The following DNM3 variants were observed in gnomAD, a reference collection of about 807,000 sequenced individuals.
DNM3 encodes dynamin 3.
Under a neutral mutation model 101.6 loss-of-function variants are expected in DNM3, and 47 were observed. The observed-to-expected ratio is 0.46, with a 90% CI of 0.37 to 0.59. DNM3 has a LOEUF of 0.59. Among genes scored for constraint, DNM3 ranks in the 20% least tolerant of loss-of-function variants. DNM3 has a pLI of 0.00. For missense variants in DNM3, 849 were observed against 1,085.7 expected, an observed-to-expected ratio of 0.78 and a Z score of 3.06; for synonymous variants, 385 against 387.9, an observed-to-expected ratio of 0.99 and a Z score of 0.09.
intron 15 of DNM3, among the ~76,000 whole-genome samples, chr1:172,292,839 AGACCCTCC>A (rs2063986179): frequency 6.6e-6 from 1 of 152,226 alleles, no homozygotes; most frequent in South Asian, 2.1e-4. Context: ...CATACATTTA[AGACCCTCC>A]CAAAAAATGA....
At chr1:171,845,670 A>G (rs1417215892) in intron 1 of DNM3, among the ~76,000 whole-genome samples, 1 of 152,268 alleles carries the variant, frequency 6.6e-6, no homozygotes, top group Non-Finnish European at 1.5e-5. Context: ...GGCAGAAGCA[A>G]CATTTATTAA....
In DNM3 at chr1:172,408,083, A is replaced by G. The variant is rs1487106500; in HGVS notation, c.*242A>G. The G allele has an allele frequency of 1.5e-6, 2 of 1,338,412 alleles. No homozygotes were observed. The highest frequency in any genetic ancestry group is 1.9e-6 in the Non-Finnish European group (2 of 1,041,278). 82.9% of individuals were successfully genotyped at this position (1,338,412 alleles called of 1,614,324 possible). ...GTTGTACTGACCAAGGTAGGTTTGT[A>G]TAGCAGCCCTATACTTTGGGGATCA... On this transcript the variant is annotated 3_prime_UTR_variant, in exon 21 of 21. Transcript: ENST00000627582.
intron 14 of DNM3, among the ~76,000 whole-genome samples, chr1:172,146,894 A>G (rs1572718222): frequency 6.6e-6 from 1 of 152,146 alleles, no homozygotes; most frequent in East Asian, 1.9e-4. Context: ...GTACATCTAT[A>G]TGCCCTCAAA....
At chr1:172,091,235 G>A (rs551675442) in intron 12 of DNM3, among the ~76,000 whole-genome samples, 4 of 152,320 alleles carry the variant, frequency 2.6e-5, no homozygotes, top group African/African-American at 7.2e-5. Flanking sequence ...AGGCCCTGGG[G>A]ATATAGCAGT....
chr1:172,206,592 C>T (rs2060330527), intron 14 of DNM3, among the ~76,000 whole-genome samples: 1 of 152,016 alleles, frequency 6.6e-6, no homozygotes, highest in Admixed American at 6.6e-5. Context: ...AATTTGGTGC[C>T]ACTGCTGTCT....
intron 17 of DNM3, among the ~76,000 whole-genome samples, chr1:172,362,660 C>T (rs553886934): frequency 1.1e-4 from 16 of 151,790 alleles, no homozygotes; most frequent in Non-Finnish European, 1.9e-4. Flanking sequence ...TGATAAACAC[C>T]GTGCCATTCC....
intron 2 of DNM3, among the ~76,000 whole-genome samples, chr1:171,948,192 T>G (rs1379696249): frequency 6.6e-6 from 1 of 152,160 alleles, no homozygotes; most frequent in Non-Finnish European, 1.5e-5. Context: ...ATACAACATT[T>G]TAGAGAAGCA....
chr1:171,862,490 G>A (rs543035531), intron 1 of DNM3, among the ~76,000 whole-genome samples: 3 of 152,170 alleles, frequency 2.0e-5, no homozygotes, highest in Non-Finnish European at 4.4e-5. Context: ...AGAAGTCAAC[G>A]CAAAAGGCCA....
downstream of DNM3, among the ~76,000 whole-genome samples, chr1:172,416,972 G>A (rs1186926591): frequency 6.6e-6 from 1 of 152,124 alleles, no homozygotes; most frequent in Non-Finnish European, 1.5e-5. Flanking sequence ...ATTGATTTTG[G>A]ACTTTGGGGA....
intron 13 of DNM3, among the ~76,000 whole-genome samples, chr1:172,096,142 C>T (rs1397953865): frequency 4.6e-5 from 7 of 152,200 alleles, no homozygotes; most frequent in Admixed American, 4.6e-4. Flanking sequence ...AAGAGGCCAG[C>T]CTTGGTCACC....
downstream of DNM3, among the ~76,000 whole-genome samples, chr1:172,413,266 GC>G (rs766911161): frequency 1.3e-5 from 2 of 152,062 alleles, no homozygotes; most frequent in Admixed American, 6.5e-5. Context: ...TTTCGCTCTT[GC>G]CCAGGCTGAA....
At chr1:172,009,161 ATAT>A (rs950527603) in intron 4 of DNM3, among the ~76,000 whole-genome samples, 1 of 138,820 alleles carries the variant, frequency 7.2e-6, no homozygotes, top group Non-Finnish European at 1.5e-5. Context: ...ATGATATATA[ATAT>A]TATATAATGT....
At chr1:172,100,864 G>T (rs2054594484) in intron 13 of DNM3, among the ~76,000 whole-genome samples, 1 of 152,144 alleles carries the variant, frequency 6.6e-6, no homozygotes, top group African/African-American at 2.4e-5. Flanking sequence ...ACTGTCATCA[G>T]TCTCCAGGGA....
chr1:172,273,199 C>A (rs1342015573), intron 15 of DNM3, among the ~76,000 whole-genome samples: 1 of 151,862 alleles, frequency 6.6e-6, no homozygotes, highest in Non-Finnish European at 1.5e-5. Flanking sequence ...CATTAGATGC[C>A]TTCCTTCTAG....
At chr1:172,201,246 T>C (rs2060141616) in intron 14 of DNM3, among the ~76,000 whole-genome samples, 1 of 152,162 alleles carries the variant, frequency 6.6e-6, no homozygotes, top group Non-Finnish European at 1.5e-5. Context: ...CTATGTTTCC[T>C]CACAGTTACA....
At chr1:171,841,847 C>A (rs202136326) in intron 1 of DNM3, 30 bp downstream of exon 1, 142 of 1,591,498 alleles carry the variant, frequency 8.9e-5, no homozygotes, top group Middle Eastern at 6.8e-4. Context: ...AGTAAGGATG[C>A]GGCAGTGGGG....
chr1:172,343,779 G>A (rs10489286), intron 17 of DNM3, among the ~76,000 whole-genome samples: 22,658 of 152,046 alleles, frequency 0.15, 2,121 homozygotes, highest in Non-Finnish European at 0.21. Flanking sequence ...GGGATTTCCC[G>A]GAGAGAATAA....
chr1:172,062,288 C>T (rs368261301), intron 10 of DNM3, among the ~76,000 whole-genome samples: 129 of 152,188 alleles, frequency 8.5e-4, no homozygotes, highest in African/African-American at 3.0e-3. Context: ...ACCATGTCAA[C>T]CCACCCTGGA....
chr1:172,040,156 G>C (rs544459342), intron 7 of DNM3, among the ~76,000 whole-genome samples: 3 of 152,098 alleles, frequency 2.0e-5, no homozygotes, highest in Non-Finnish European at 2.9e-5. Flanking sequence ...GAGGTATAGG[G>C]TTTAAGGGAA....
Sources: allele counts gnomAD v4.1 joint callset (sites outside exome capture counted in the v4.1 genomes callset), GRCh38; gene constraint gnomAD v4.1.1; transcripts MANE v1.5; gene names NCBI Gene and HGNC (gene_info 2026-07-23, HGNC 2026-07-21).